CACNA1E: variants seen among roughly 807,000 people sequenced by gnomAD.
CACNA1E encodes calcium voltage-gated channel subunit alpha1 E.
CACNA1E carries 40 observed loss-of-function variants against 259.2 expected under a neutral mutation model. That is an observed-to-expected ratio of 0.15 (90% CI 0.12 to 0.20). The LOEUF is 0.20. Among genes scored for constraint, CACNA1E ranks in the 10% least tolerant of loss-of-function variants. The pLI is 1.00. For missense variants in CACNA1E, 1,874 were observed against 3,040.1 expected (o/e 0.62, Z 9.02); for synonymous variants, 1,104 against 1,138.5 (o/e 0.97, Z 0.61).
intron 2 of CACNA1E, among the ~76,000 whole-genome samples, chr1:181,420,795 G>A (rs1276880119): frequency 1.3e-5 from 2 of 152,160 alleles, no homozygotes; most frequent in East Asian, 1.9e-4. Context: ...TAAAGTCTGC[G>A]TAGGTTGGTA....
chr1:181,507,021 A>G (rs903013912), intron 1 of CACNA1E, among the ~76,000 whole-genome samples: 7 of 151,996 alleles, frequency 4.6e-5, no homozygotes, highest in Admixed American at 3.9e-4. Context: ...TCAAGGGCAT[A>G]TATATCTGAA....
At chr1:181,364,680 T>G (rs1280517270) in intron 1 of CACNA1E, among the ~76,000 whole-genome samples, 1 of 152,164 alleles carries the variant, frequency 6.6e-6, no homozygotes, top group Admixed American at 6.5e-5. Flanking sequence ...GTAGTTGATG[T>G]AGTGGCATGG....
chr1:181,446,465 A>G (rs1233006489), intron 2 of CACNA1E, among the ~76,000 whole-genome samples: 2 of 152,256 alleles, frequency 1.3e-5, no homozygotes, highest in African/African-American at 4.8e-5. Flanking sequence ...CTGTCAGTGC[A>G]CAATGCGTAG....
At chr1:181,617,909 C>T (rs1038331684) in intron 6 of CACNA1E, among the ~76,000 whole-genome samples, 3 of 152,142 alleles carry the variant, frequency 2.0e-5, no homozygotes, top group African/African-American at 7.2e-5. Flanking sequence ...TGGGTGAGCC[C>T]CAGAGCTGAA....
At chr1:181,659,670 G>A (rs1455434972) in intron 7 of CACNA1E, among the ~76,000 whole-genome samples, 1 of 152,190 alleles carries the variant, frequency 6.6e-6, no homozygotes, top group African/African-American at 2.4e-5. Context: ...CGTGTGGGGA[G>A]CAATGTGAGC....
At chr1:181,727,806 T>C (rs990439662) in intron 18 of CACNA1E, among the ~76,000 whole-genome samples, 5 of 152,150 alleles carry the variant, frequency 3.3e-5, no homozygotes, top group Non-Finnish European at 7.4e-5. Flanking sequence ...GCAATGACCC[T>C]GTCATTGTTA....
At chr1:181,507,596 G>C (rs912018225) in intron 1 of CACNA1E, among the ~76,000 whole-genome samples, 1 of 152,142 alleles carries the variant, frequency 6.6e-6, no homozygotes, top group Non-Finnish European at 1.5e-5. Context: ...ATTGTGAGTG[G>C]GGAGGCCTCG....
chr1:181,331,794 C>T (rs985901693), intron 1 of CACNA1E, among the ~76,000 whole-genome samples: 1 of 152,168 alleles, frequency 6.6e-6, no homozygotes, highest in Non-Finnish European at 1.5e-5. Context: ...CAGTTTTCTG[C>T]ATGTGGCTAG....
intron 1 of CACNA1E, among the ~76,000 whole-genome samples, chr1:181,374,321 G>A (rs1039539234): frequency 1.3e-5 from 2 of 150,982 alleles, no homozygotes; most frequent in Non-Finnish European, 2.9e-5. Context: ...TTTGAGAGAT[G>A]TCCTTAATAC....
intron 2 of CACNA1E, among the ~76,000 whole-genome samples, chr1:181,458,441 C>T (rs1661597266): frequency 6.6e-6 from 1 of 152,210 alleles, no homozygotes; most frequent in Non-Finnish European, 1.5e-5. Flanking sequence ...GCATAGACTG[C>T]CCCTTTCAAG....
intron 7 of CACNA1E, among the ~76,000 whole-genome samples, chr1:181,701,485 A>T (rs921252140): frequency 1.3e-5 from 2 of 152,164 alleles, no homozygotes; most frequent in Non-Finnish European, 2.9e-5. Context: ...TGACTGAAAC[A>T]TACACTGTTA....
intron 2 of CACNA1E, among the ~76,000 whole-genome samples, chr1:181,417,060 A>G (rs1035678905): frequency 1.1e-4 from 16 of 150,978 alleles, no homozygotes; most frequent in African/African-American, 3.9e-4. Context: ...TAACTGCATT[A>G]CTCCATAATC....
At chr1:181,344,897 C>G (rs1652468495) in intron 1 of CACNA1E, among the ~76,000 whole-genome samples, 1 of 152,250 alleles carries the variant, frequency 6.6e-6, no homozygotes, top group South Asian at 2.1e-4. Flanking sequence ...CTAACCAGCT[C>G]TGAGGCCATT....
At chr1:181,534,264 A>G (rs1291959264) in intron 3 of CACNA1E, among the ~76,000 whole-genome samples, 1 of 152,098 alleles carries the variant, frequency 6.6e-6, no homozygotes, top group Non-Finnish European at 1.5e-5. Flanking sequence ...CATAAACTCA[A>G]AGGTTTTGGA....
In CACNA1E at chr1:181,773,308, A is replaced by C. The variant is rs115632753; in HGVS notation, c.5139+1077A>C. ...AATGGGAGATGTGGGCAGCCCACGC[A>C]GTAGTCTTGGCTTTGTTCCTCTGCT... On this transcript the variant is annotated intron_variant, in intron 37 of 47. Transcript: ENST00000367573. Among the ~76,000 whole-genome samples the C allele has an allele frequency of 6.5e-3, 989 of 152,290 alleles. 9 individuals are homozygous for C. Among genetic ancestry groups the C allele is most frequent in the African/African-American group, 0.023 (959 of 41,540 alleles).
At chr1:181,523,453 T>C (rs949553790) in intron 3 of CACNA1E, among the ~76,000 whole-genome samples, 10 of 152,244 alleles carry the variant, frequency 6.6e-5, no homozygotes, top group Middle Eastern at 3.2e-3. Context: ...ATTTATTCAA[T>C]ATAGCATAGT....
At chr1:181,384,938 C>T (rs1655733659) in intron 1 of CACNA1E, among the ~76,000 whole-genome samples, 2 of 152,164 alleles carry the variant, frequency 1.3e-5, no homozygotes, top group Non-Finnish European at 2.9e-5. Context: ...TGCCTCTTTC[C>T]TCTTTACCAA....
intron 1 of CACNA1E, among the ~76,000 whole-genome samples, chr1:181,365,654 C>T (rs972936189): frequency 6.6e-6 from 1 of 152,212 alleles, no homozygotes; most frequent in African/African-American, 2.4e-5. Context: ...CCCTTTCTAA[C>T]CTGAAGCCAG....
chr1:181,765,703 G>A (rs1173310506), intron 34 of CACNA1E, among the ~76,000 whole-genome samples: 2 of 152,194 alleles, frequency 1.3e-5, no homozygotes, highest in Non-Finnish European at 2.9e-5. Context: ...CTGCCAGGGA[G>A]CTTAGTGGAT....
Sources: allele counts gnomAD v4.1 joint callset (sites outside exome capture counted in the v4.1 genomes callset), GRCh38; gene constraint gnomAD v4.1.1; transcripts MANE v1.5; gene names NCBI Gene and HGNC (gene_info 2026-07-23, HGNC 2026-07-21).